Variants in LRP4 observed in about 807,000 individuals in gnomAD.
The protein encoded by LRP4 is low-density lipoprotein receptor-related protein 4.
In LRP4, 95 loss-of-function variants were observed where a neutral mutation model predicts 220.3. That is an observed-to-expected ratio of 0.43 (90% CI 0.37 to 0.51). LRP4 has a LOEUF of 0.51. LRP4 is among the 20% of genes least tolerant of loss of function. The pLI is 0.00. For missense variants in LRP4, 1,925 were observed against 2,567.0 expected (o/e 0.75, Z 5.40); for synonymous variants, 903 against 954.6 (o/e 0.95, Z 1.00).
Position 46,918,516 on chromosome 11 carries a change from C to T in LRP4, c.-137G>A, listed in dbSNP as rs1348678769. ...GCGCGCCCCGCAAGTCGCCCTCGGG[C>T]CGCCGCCGCCTCCAGTGCTGCCAGA... On this transcript the variant is annotated 5_prime_UTR_variant, in exon 1 of 38. Coordinates refer to ENST00000378623, the MANE Select transcript of LRP4 (RefSeq NM_002334.4). The surrounding 1 kb of genome is among the most constrained non-coding windows in gnomAD (Gnocchi z 6.0). 2.3e-6 allele frequency: 1 copy of T among 440,998 alleles called. No individual in the cohort carries two copies. The highest frequency in any genetic ancestry group is 3.3e-6 in the Non-Finnish European group (1 of 307,684). The allele number at this position is 440,998 out of a possible 1,614,324, so 27.3% of individuals were successfully genotyped here. A position where few individuals can be genotyped will look rare whatever the true frequency, so the allele number is the denominator to read the frequency against.
In LRP4 at chr11:46,896,310, C is replaced by G. The variant is rs1190411614; in HGVS notation, c.948G>C (p.Gln316His). ...NTGSPQCALD[Q>H]FLCWNGRCIG... ...TGCAGCGCCCATTCCAACACAGGAACTGGTCCAAGGCACATTGGGGGCTTC... is the reference window on the plus strand; with the variant it reads ...TGCAGCGCCCATTCCAACACAGGAAGTGGTCCAAGGCACATTGGGGGCTTC... The change falls in exon 9 of 38, where the codon CAG (glutamine) becomes CAC (histidine). Residue 316 changes from glutamine to histidine, a missense_variant. Gln to His is a conservative substitution (Grantham distance 24, BLOSUM62 0). Coordinates refer to ENST00000378623, the MANE Select transcript of LRP4 (RefSeq NM_002334.4). 1 of 1,614,162 alleles carries G rather than the reference C, an allele frequency of 6.2e-7. No individual in the cohort carries two copies. The highest frequency in any genetic ancestry group is 8.5e-7 in the Non-Finnish European group (1 of 1,180,048).
chr11:46,879,562 T>C (rs1337077096), intron 20 of LRP4, among the ~76,000 whole-genome samples: 2 of 152,222 alleles, frequency 1.3e-5, no homozygotes, highest in African/African-American at 4.8e-5. Flanking sequence ...ACTCACATCA[T>C]CTCAAAGTAT....
rs1434607453 is a variant in LRP4, at chr11:46,858,717, T to C, written c.*266A>G. 6.0e-6 allele frequency: 3 copies of C among 501,798 alleles called. No individual in the cohort carries two copies. Among genetic ancestry groups the C allele is most frequent in the African/African-American group, 5.8e-5 (3 of 51,598 alleles). 31.1% of individuals were successfully genotyped at this position (501,798 alleles called of 1,614,324 possible). A position where few individuals can be genotyped will look rare whatever the true frequency, so the allele number is the denominator to read the frequency against. On this transcript the variant is annotated 3_prime_UTR_variant, in exon 38 of 38. Coordinates refer to ENST00000378623, the MANE Select transcript of LRP4 (RefSeq NM_002334.4). ...CTGGTGAGGAATCACGAATAAGCAG[T>C]TTCAGGGGGCCCAGGATGGAGTACA...
At chr11:46,911,585 T>C (rs1289130004) in intron 1 of LRP4, among the ~76,000 whole-genome samples, 1 of 68,086 alleles carries the variant, frequency 1.5e-5, no homozygotes, top group Non-Finnish European at 3.3e-5. Flanking sequence ...TGAGAACCTG[T>C]CTCAAAAAAA....
At chr11:46,884,788 G>C (rs986445838) in intron 18 of LRP4, among the ~76,000 whole-genome samples, 1 of 149,302 alleles carries the variant, frequency 6.7e-6, no homozygotes, top group African/African-American at 2.5e-5. Context: ...GTGCACGCCT[G>C]TAATCCCAGC....
At chr11:46,874,050 C>A in intron 28 of LRP4, 7 of 176,536 alleles carry the variant, frequency 4.0e-5, no homozygotes, top group Non-Finnish European at 7.3e-5. Context: ...AAGCAATCTT[C>A]CCGCCTTGGC....
chr11:46,862,388 T>G (rs960864732), intron 37 of LRP4, among the ~76,000 whole-genome samples: 8 of 152,200 alleles, frequency 5.3e-5, no homozygotes, highest in Non-Finnish European at 1.5e-5. Flanking sequence ...AGATCTGCCT[T>G]CTAACCTGGC....
intron 1 of LRP4, 130 bp from the exon 2 acceptor site, chr11:46,903,059 G>T: frequency 9.3e-7 from 1 of 1,078,442 alleles, no homozygotes; most frequent in Non-Finnish European, 1.4e-6. Flanking sequence ...CTTCAAGGGA[G>T]ATGCAGGCAG....
intron 11 of LRP4, 106 bp downstream of exon 11, chr11:46,895,059 GT>G: frequency 4.0e-6 from 6 of 1,517,776 alleles, no homozygotes; most frequent in Non-Finnish European, 4.5e-6. Context: ...GCATTTTACT[GT>G]GACAGAAATC....
chr11:46,869,080 A>T lies in LRP4; in HGVS notation c.4745T>A (p.Val1582Asp), dbSNP rs1032100274. 6.2e-7 allele frequency: 1 copy of T among 1,614,174 alleles called. No homozygotes were observed. ...CTTGTTCCGGCCTGAGTATTTGTCA[A>T]CACGCTGGATTGACTTGGTCTGCCA... is the stretch of plus-strand genomic sequence containing the variant. The part of the protein sequence containing the change: ...TDWQTKSIQR[V>D]DKYSGRNKET... Residue 1582 changes from valine to aspartate, a missense_variant, in exon 32 of 38, where the codon GTT (valine) becomes GAT (aspartate). By Grantham distance (152) the Val-to-Asp change is radical (BLOSUM62 -3). This residue lies in a region of LRP4 where 1,244 missense variants were observed against 1,624.9 expected (regional missense o/e 0.77). Coordinates refer to ENST00000378623, the MANE Select transcript of LRP4 (RefSeq NM_002334.4).
At position 46,895,903 on chromosome 11, in the gene LRP4, C is replaced by T. The variant is rs1941518631; in HGVS notation, c.1164G>A (p.Glu388=). 1.2e-6 allele frequency: 2 copies of T among 1,613,362 alleles called. No homozygotes were observed. The highest frequency in any genetic ancestry group is 2.2e-5 in the South Asian group (2 of 91,092). Residue 388 remains glutamate (E), a synonymous_variant, in exon 10 of 38, where the codon GAG becomes GAA. Transcript: ENST00000378623. ...CTCHTGYRLT[E]DGHTCQDVNE... ...GCTCACCTTGGCACGTGTGCCCATCCTCTGTGAGCCGGTAGCCTGTGTGGC... is the reference window on the plus strand; with the variant it reads ...GCTCACCTTGGCACGTGTGCCCATCTTCTGTGAGCCGGTAGCCTGTGTGGC...
intron 23 of LRP4, 71 bp downstream of exon 23, chr11:46,877,128 G>A (rs558771120): frequency 9.7e-6 from 15 of 1,549,010 alleles, no homozygotes; most frequent in Middle Eastern, 2.1e-4. Context: ...CAAAGGTGGT[G>A]GGAGAGGAAA....
chr11:46,875,352 T>C lies in LRP4; in HGVS notation c.3925+104A>G, dbSNP rs1940981933. 9.0e-7 allele frequency: 1 copy of C among 1,109,980 alleles called. No individual in the cohort carries two copies. The highest frequency in any genetic ancestry group is 1.5e-5 in the African/African-American group (1 of 65,018). 68.8% of individuals were successfully genotyped at this position (1,109,980 alleles called of 1,614,324 possible). ...AGGGAGCTTAAACAGGTCACCGTCT[T>C]TCTGGCTGTAAAGGAGCTCTGTGCT... On this transcript the variant is annotated intron_variant, in intron 27 of 37. Coordinates refer to ENST00000378623, the MANE Select transcript of LRP4 (RefSeq NM_002334.4). This position sits in a 1 kb window ranked among gnomAD's most constrained non-coding sequence, Gnocchi z 4.5.
intron 1 of LRP4, among the ~76,000 whole-genome samples, chr11:46,917,190 G>A (rs1941958958): frequency 3.3e-5 from 5 of 152,198 alleles, no homozygotes; most frequent in Admixed American, 2.6e-4. Flanking sequence ...TTTTCCACAC[G>A]AGCTGTCCTA....
At chr11:46,896,112 C>CA in intron 9 of LRP4, 94 bp from the exon 10 acceptor site, 1 of 1,611,306 alleles carries the variant, frequency 6.2e-7, no homozygotes, top group South Asian at 1.1e-5. Flanking sequence ...GAACAGCTCC[C>CA]AAAGCTGCAA....
intron 19 of LRP4, among the ~76,000 whole-genome samples, chr11:46,882,563 C>A (rs1191752555): frequency 6.6e-6 from 1 of 151,818 alleles, no homozygotes; most frequent in African/African-American, 2.4e-5. Context: ...CCAGTAAGAA[C>A]AACATAGGCC....
chr11:46,902,923 G>A lies in LRP4; in HGVS notation c.59C>T (p.Ala20Val). The change falls in exon 2 of 38, where the codon GCC (alanine) becomes GTC (valine). Residue 20 changes from alanine (A) to valine (V), a missense_variant. By Grantham distance (64) the Ala-to-Val change is moderately conservative (BLOSUM62 0). Coordinates refer to ENST00000378623, the MANE Select transcript of LRP4 (RefSeq NM_002334.4). ...LGALLCAHGL[A>V]SSPECACGRS... is the part of the protein sequence containing the mutation. ...ACCACAAGCACACTCGGGGCTGCTG[G>A]CCAGGCCTGGGCGGAGGGAAAAGGA... 1 of 1,614,062 alleles carries A rather than the reference G, an allele frequency of 6.2e-7. No individual in the cohort carries two copies. The highest frequency in any genetic ancestry group is 8.5e-7 in the Non-Finnish European group (1 of 1,180,038).
At position 46,873,746 on chromosome 11, in the gene LRP4, T is replaced by G; in HGVS notation, c.4230-153A>C. On this transcript the variant is annotated intron_variant, in intron 28 of 37. Coordinates refer to ENST00000378623, the MANE Select transcript of LRP4 (RefSeq NM_002334.4). This position sits in a 1 kb window ranked among gnomAD's most constrained non-coding sequence, Gnocchi z 4.2. ...TGAGTACATTCCTCAGCACCCAGCA[T>G]GATAGATGTTCAATAAAATAATTGC... 3 of 609,840 alleles carry G rather than the reference T, an allele frequency of 4.9e-6. No individual in the cohort carries two copies. Among genetic ancestry groups the G allele is most frequent in the Non-Finnish European group, 8.7e-6 (3 of 345,872 alleles). 37.8% of individuals were successfully genotyped at this position (609,840 alleles called of 1,614,324 possible).
In LRP4 at chr11:46,875,289, T is replaced by TA. The variant is rs1246155183; in HGVS notation, c.3925+166dup. On this transcript the variant is annotated intron_variant, in intron 27 of 37. Coordinates refer to ENST00000378623, the MANE Select transcript of LRP4 (RefSeq NM_002334.4). The surrounding 1 kb of genome is among the most constrained non-coding windows in gnomAD (Gnocchi z 4.5). ...AGTCCTTTGAAGGTGACAGCTGTAG[T>TA]ACCAGCCATACCCAGAGAGAACACA... 6.6e-6 allele frequency among the ~76,000 whole-genome samples: 1 copy of TA among 152,086 alleles called. No homozygotes were observed. The highest frequency in any genetic ancestry group is 1.5e-5 in the Non-Finnish European group (1 of 67,998).
Sources: gnomAD v4.1 joint callset for allele counts (sites outside exome capture counted in the v4.1 genomes callset) on GRCh38, gnomAD v4.1.1 for gene constraint, gnomAD v4.1.1 regional missense constraint, Gnocchi (gnomAD v3.1) non-coding constraint, MANE v1.5 for transcripts, NCBI Gene and HGNC (gene_info 2026-07-23, HGNC 2026-07-21) for gene names.